Variants in TFIP11 observed in about 807,000 individuals in gnomAD.
The protein encoded by TFIP11 is tuftelin-interacting protein 11.
TFIP11 carries 86 observed loss-of-function variants against 96.8 expected under a neutral mutation model. That is an observed-to-expected ratio of 0.89 (90% CI 0.75 to 1.06). The LOEUF (loss-of-function observed/expected upper bound fraction) is 1.06, where lower values mean the gene tolerates loss of function less well. Among genes scored for constraint, TFIP11 ranks in the 50% least tolerant of loss-of-function variants. TFIP11 has a pLI of 0.00. For synonymous variants in TFIP11, 405 were observed against 395.2 expected (o/e 1.02, Z -0.29); for missense variants, 881 against 1,076.7 (o/e 0.82, Z 2.54).
chr22:26,507,249 A>C (rs1028735800), intron 4 of TFIP11, among the ~76,000 whole-genome samples: 1 of 152,242 alleles, frequency 6.6e-6, no homozygotes, highest in African/African-American at 2.4e-5. Context: ...TTATCATAAA[A>C]AGCAATTGTT....
intron 10 of TFIP11, among the ~76,000 whole-genome samples, chr22:26,497,597 G>T (rs1473090769): frequency 6.6e-6 from 1 of 152,220 alleles, no homozygotes; most frequent in Non-Finnish European, 1.5e-5. Flanking sequence ...AGAAGTCATG[G>T]CTGGGCACGG....
intron 13 of TFIP11, 97 bp downstream of exon 13, chr22:26,494,700 C>T (rs1921695559): frequency 1.3e-6 from 2 of 1,514,990 alleles, no homozygotes; most frequent in African/African-American, 1.4e-5. Context: ...AATTTATTTT[C>T]ATTATGGAAT....
At chr22:26,502,175 T>C in intron 7 of TFIP11, 123 bp from the exon 8 acceptor site, 1 of 1,252,592 alleles carries the variant, frequency 8.0e-7, no homozygotes, top group Non-Finnish European at 1.1e-6. Flanking sequence ...AAGCTCTATA[T>C]GAAGGAAGGA....
chr22:26,494,770 C>A (rs199615748), intron 13 of TFIP11, 27 bp downstream of exon 13: 2 of 1,613,840 alleles, frequency 1.2e-6, no homozygotes, highest in Non-Finnish European at 1.7e-6. Context: ...TTCCCTCCCC[C>A]AGAAATCCAA....
intron 6 of TFIP11, 135 bp from the exon 7 acceptor site, chr22:26,503,928 C>CT (rs1449394805): frequency 8.5e-7 from 1 of 1,174,282 alleles, no homozygotes; most frequent in Non-Finnish European, 1.2e-6. Context: ...GAGAGCTATT[C>CT]TCTGCCCTCA....
chr22:26,495,460 G>T (rs1383595404), intron 12 of TFIP11, among the ~76,000 whole-genome samples: 4 of 151,316 alleles, frequency 2.6e-5, no homozygotes. Flanking sequence ...ATTTTTGGTA[G>T]AGATGGGGTT....
chr22:26,494,573 T>C, intron 13 of TFIP11: 1 of 716,050 alleles, frequency 1.4e-6, no homozygotes, highest in Non-Finnish European at 2.3e-6. Flanking sequence ...ATAGGGTTGC[T>C]GAGAGGAGCT....
intron 12 of TFIP11, among the ~76,000 whole-genome samples, chr22:26,495,320 C>T (rs1034648754): frequency 8.3e-6 from 1 of 120,000 alleles, no homozygotes; most frequent in Admixed American, 1.1e-4. Flanking sequence ...TCACTGTTGC[C>T]CAGGCTGAAG....
intron 14 of TFIP11, 57 bp from the exon 15 acceptor site, chr22:26,492,425 G>C (rs1481367785): frequency 6.5e-7 from 1 of 1,533,852 alleles, no homozygotes; most frequent in African/African-American, 1.4e-5. Context: ...TATGGAAGTT[G>C]ACACTGTGGC....
At chr22:26,500,661 G>GAAA (rs112618998) in intron 8 of TFIP11, among the ~76,000 whole-genome samples, 1 of 142,446 alleles carries the variant, frequency 7.0e-6, no homozygotes, top group Non-Finnish European at 1.5e-5. Flanking sequence ...CTCACTGGAG[G>GAAA]AAAAAAAAAA....
chr22:26,493,873 T>A (rs1225318985), intron 14 of TFIP11: 2 of 438,826 alleles, frequency 4.6e-6, no homozygotes, highest in East Asian at 4.6e-5. Context: ...GGGCGGGGCC[T>A]GGGGTTAGAC....
At position 26,496,124 on chromosome 22, in the gene TFIP11, T is replaced by C; in HGVS notation, c.1798A>G (p.Thr600Ala). 6.2e-7 allele frequency: 1 copy of C among 1,613,678 alleles called. No homozygotes were observed. Among genetic ancestry groups the C allele is most frequent in the Non-Finnish European group, 8.5e-7 (1 of 1,179,968 alleles). ...LILQPWKDVF[T>A]PGSWEAFMVK... Reference sequence around the variant, plus strand: ...ATGAATGCTTCCCAGGAGCCAGGAGTGAAGACATCCTTCCAGGGCTGGAGG... The same window carrying C: ...ATGAATGCTTCCCAGGAGCCAGGAGCGAAGACATCCTTCCAGGGCTGGAGG... Residue 600 changes from threonine to alanine, a missense_variant, in exon 12 of 15, where the codon ACT (threonine) becomes GCT (alanine). Physicochemically the swap from Thr to Ala is moderately conservative, Grantham distance 58. Transcript: ENST00000407690.
chr22:26,509,962 G>A, intron 4 of TFIP11, 102 bp downstream of exon 4: 1 of 1,236,438 alleles, frequency 8.1e-7, no homozygotes, highest in Non-Finnish European at 1.2e-6. Context: ...TCTCAACAAG[G>A]CCAGGTGAGA....
At position 26,501,924 on chromosome 22, in the gene TFIP11, G is replaced by C. The variant is rs774272845; in HGVS notation, c.777C>G (p.Pro259=). 1.9e-6 allele frequency: 3 copies of C among 1,613,514 alleles called. No individual in the cohort carries two copies. Among genetic ancestry groups the C allele is most frequent in the Non-Finnish European group, 2.5e-6 (3 of 1,179,926 alleles). The change falls in exon 8 of 15, where the codon CCC becomes CCG. Residue 259 remains proline, a synonymous_variant. Transcript: ENST00000407690. ...KGRISKKLTA[P]QKELSQVKVI... Reference sequence around the variant, plus strand: ...CCTTGACTTGAGAAAGTTCCTTCTGGGGAGCAGTGAGCTTCTTGCTAATCC... The same window carrying C: ...CCTTGACTTGAGAAAGTTCCTTCTGCGGAGCAGTGAGCTTCTTGCTAATCC...
rs775495472 is a variant in TFIP11, at chr22:26,506,917, T to C, written c.221A>G (p.Tyr74Cys). The C allele has an allele frequency of 6.2e-7, 1 of 1,614,002 alleles. No individual in the cohort carries two copies. Among genetic ancestry groups the C allele is most frequent in the Non-Finnish European group, 8.5e-7 (1 of 1,179,990 alleles). The change falls in exon 5 of 15, where the codon TAC becomes TGC. Residue 74 changes from tyrosine to cysteine, a missense_variant. Physicochemically the swap from Tyr to Cys is radical, Grantham distance 194. Coordinates refer to ENST00000407690, the MANE Select transcript of TFIP11 (RefSeq NM_012143.4). The part of the protein sequence containing the change: ...PSFGGKRARD[Y>C]SAPVNFISAG... ...GCTGATGAAGTTGACTGGCGCAGAG[T>C]AGTCACGGGCCCTGTAGGCACAGAA... is the stretch of plus-strand genomic sequence containing the variant.
intron 2 of TFIP11, among the ~76,000 whole-genome samples, chr22:26,510,959 G>A (rs1923980488): frequency 6.6e-6 from 1 of 152,122 alleles, no homozygotes; most frequent in Non-Finnish European, 1.5e-5. Context: ...GGCTTACAAA[G>A]CAAATTCAAT....
chr22:26,503,350 T>C (rs1025190454), intron 7 of TFIP11, among the ~76,000 whole-genome samples: 2 of 152,194 alleles, frequency 1.3e-5, no homozygotes, highest in Admixed American at 6.5e-5. Flanking sequence ...AAATGTTTCC[T>C]TTCCCAAAAG....
chr22:26,506,706 A>C (rs1354876682), intron 5 of TFIP11, 69 bp downstream of exon 5: 1 of 1,575,892 alleles, frequency 6.3e-7, no homozygotes, highest in South Asian at 1.1e-5. Flanking sequence ...CTCCCTGGCT[A>C]GAAAATGCTT....
chr22:26,506,821 T>C lies in TFIP11; in HGVS notation c.317A>G (p.Lys106Arg). Residue 106 changes from lysine to arginine, a missense_variant, in exon 5 of 15, where the codon AAG becomes AGG. By Grantham distance (26) the Lys-to-Arg change is conservative. Coordinates refer to ENST00000407690, the MANE Select transcript of TFIP11 (RefSeq NM_012143.4). The part of the protein sequence containing the change: ...EDSDDEEKPV[K>R]QDDFPKDFGP... ...AAAATCCTTAGGAAAGTCGTCCTGCTTAACAGGTTTCTCTTCGTCATCAGA... is the reference window on the plus strand; with the variant it reads ...AAAATCCTTAGGAAAGTCGTCCTGCCTAACAGGTTTCTCTTCGTCATCAGA... 4 of 1,614,240 alleles carry C rather than the reference T, an allele frequency of 2.5e-6. No homozygotes were observed. Among genetic ancestry groups the C allele is most frequent in the Non-Finnish European group, 2.5e-6 (3 of 1,180,044 alleles).
Sources: gnomAD v4.1 joint callset for allele counts (sites outside exome capture counted in the v4.1 genomes callset) on GRCh38, gnomAD v4.1.1 for gene constraint, MANE v1.5 for transcripts, NCBI Gene and HGNC (gene_info 2026-07-23, HGNC 2026-07-21) for gene names.